The following PIGN variants were observed in gnomAD, a reference collection of about 807,000 sequenced individuals.
PIGN encodes phosphatidylinositol glycan anchor biosynthesis class N.
Under a neutral mutation model 125.4 loss-of-function variants are expected in PIGN, and 117 were observed. That is an observed-to-expected ratio of 0.93 (90% CI 0.80 to 1.09). The LOEUF (loss-of-function observed/expected upper bound fraction) is 1.09, where lower values mean the gene tolerates loss of function less well. Ranked by LOEUF, PIGN falls within the 50% of genes least tolerant of loss-of-function variation. The pLI is 0.00. For synonymous variants in PIGN, 392 were observed against 377.8 expected (o/e 1.04, Z -0.44); for missense variants, 1,075 against 1,094.9 (o/e 0.98, Z 0.26).
chr18:62,041,640 GGTGTGTGTGTGTGTGTGTGT>G lies in PIGN; in HGVS notation c.*4196_*4215del, dbSNP rs1220795520. The G allele has an allele frequency of 1.3e-3, 104 of 77,538 alleles. No homozygotes were observed. Among genetic ancestry groups the G allele is most frequent in the East Asian group, 7.5e-3 (18 of 2,406 alleles). The allele number at this position is 77,538 out of a possible 1,614,324, so 4.8% of individuals were successfully genotyped here. A position where few individuals can be genotyped will look rare whatever the true frequency, so the allele number is the denominator to read the frequency against. Reference sequence around the variant, plus strand: ...ATTACAGGAGCCTACCACCCCGCCGGGTGTGTGTGTGTGTGTGTGTGTGTGTGTGTGTGTGTGTGTGTGTG... The same window carrying G: ...ATTACAGGAGCCTACCACCCCGCCGGGTGTGTGTGTGTGTGTGTGTGTGTG... On this transcript the variant is annotated 3_prime_UTR_variant, in exon 31 of 31. Coordinates refer to ENST00000640252, the MANE Select transcript of PIGN (RefSeq NM_176787.5).
At chr18:62,181,793 C>T (rs887195747) in intron 1 of PIGN, among the ~76,000 whole-genome samples, 3 of 152,132 alleles carry the variant, frequency 2.0e-5, no homozygotes, top group Non-Finnish European at 4.4e-5. Context: ...GTGGCGCGAT[C>T]TCGGCTCACT....
At chr18:62,144,333 T>C (rs1023713647) in intron 10 of PIGN, among the ~76,000 whole-genome samples, 1 of 152,202 alleles carries the variant, frequency 6.6e-6, no homozygotes, top group South Asian at 2.1e-4. Flanking sequence ...AACTGGAATG[T>C]TGGCAATGCT....
intron 23 of PIGN, among the ~76,000 whole-genome samples, chr18:62,028,795 G>C (rs2030158183): frequency 6.6e-6 from 1 of 152,202 alleles, no homozygotes; most frequent in Non-Finnish European, 1.5e-5. Context: ...TTTTGGGTTT[G>C]CTTCCCAAGT....
chr18:62,145,005 TGGCGG>T (rs1301209476), intron 10 of PIGN, among the ~76,000 whole-genome samples: 5 of 5,062 alleles, frequency 9.9e-4, no homozygotes, highest in African/African-American at 1.4e-3. Flanking sequence ...CTAAGGAAAC[TGGCGG>T]GGGGGGGGGG....
At chr18:62,169,430 T>C (rs983683274) in intron 1 of PIGN, among the ~76,000 whole-genome samples, 3 of 151,992 alleles carry the variant, frequency 2.0e-5, no homozygotes, top group Admixed American at 6.6e-5. Flanking sequence ...TAACAGCTTA[T>C]GTATGGGCGT....
chr18:62,124,636 G>A (rs909900946), intron 14 of PIGN, among the ~76,000 whole-genome samples: 3 of 152,178 alleles, frequency 2.0e-5, no homozygotes, highest in African/African-American at 7.2e-5. Context: ...CTGCCTATGA[G>A]GAGAGATATG....
chr18:62,122,848 G>A lies in PIGN; in HGVS notation c.1173-8209C>T, dbSNP rs2035359246. Among the ~76,000 whole-genome samples, 3 of 151,976 alleles carry A rather than the reference G, an allele frequency of 2.0e-5. No homozygotes were observed. The South Asian group carries it at 6.2e-4, about 32-fold the overall frequency. ...TTCCTCTTTTTCCAAAATAATACAAGTTTTAGATATAATATAGTATAATAA... is the reference window on the plus strand; with the variant it reads ...TTCCTCTTTTTCCAAAATAATACAAATTTTAGATATAATATAGTATAATAA... On this transcript the variant is annotated intron_variant, in intron 14 of 30. Transcript: ENST00000640252.
chr18:62,076,045 C>T, intron 28 of PIGN: 1 of 152,392 alleles, frequency 6.6e-6, no homozygotes, highest in African/African-American at 2.4e-5. Context: ...AAGCGATTCT[C>T]CTGCCTCAGT....
intron 30 of PIGN, among the ~76,000 whole-genome samples, chr18:62,047,634 G>A (rs1446789088): frequency 6.6e-6 from 1 of 152,146 alleles, no homozygotes; most frequent in Non-Finnish European, 1.5e-5. Flanking sequence ...AGGCTGCAAG[G>A]GGAACCTGGA....
chr18:62,114,421 T>C, intron 15 of PIGN, 140 bp downstream of exon 15: 2 of 609,162 alleles, frequency 3.3e-6, no homozygotes, highest in Non-Finnish European at 5.9e-6. Flanking sequence ...TGTCCACTGC[T>C]AAAGCAGCTA....
intron 1 of PIGN, among the ~76,000 whole-genome samples, chr18:62,183,489 A>G (rs539418621): frequency 5.0e-4 from 76 of 152,324 alleles, no homozygotes; most frequent in Admixed American, 1.0e-3. Context: ...TGTACTTGCA[A>G]CCTATCTTCC....
chr18:62,038,748 T>C (rs1318832374), downstream of PIGN, among the ~76,000 whole-genome samples: 1 of 152,090 alleles, frequency 6.6e-6, no homozygotes, highest in Non-Finnish European at 1.5e-5. Context: ...CTGGGCAGCA[T>C]GGCAGGACCC....
rs945651344 is a variant in PIGN at position 62,041,698 on chromosome 18, T to A, written c.*4158A>T. 1 of 150,420 alleles carries A rather than the reference T, an allele frequency of 6.6e-6. No individual in the cohort carries two copies. Among genetic ancestry groups the A allele is most frequent in the Non-Finnish European group, 1.5e-5 (1 of 68,592 alleles). 9.3% of individuals were successfully genotyped at this position (150,420 alleles called of 1,614,324 possible). A position where few individuals can be genotyped will look rare whatever the true frequency, so the allele number is the denominator to read the frequency against. ...GTGTGTGTGTGTGTGTGTGTGTGTG[T>A]GTGTGTGTTTAGTAGAGATGGGGTT... On this transcript the variant is annotated 3_prime_UTR_variant, in exon 31 of 31. Transcript: ENST00000640252.
chr18:62,065,845 T>C (rs892960808), intron 30 of PIGN, among the ~76,000 whole-genome samples: 12 of 152,152 alleles, frequency 7.9e-5, no homozygotes, highest in Non-Finnish European at 5.9e-5. Flanking sequence ...AAAAAGATAA[T>C]GAATTCAGGA....
intron 16 of PIGN, chr18:62,112,565 T>G (rs1275175356): frequency 6.6e-6 from 1 of 152,144 alleles, no homozygotes; most frequent in Non-Finnish European, 1.5e-5. Flanking sequence ...TTAATTTTTA[T>G]TTTTTCACTG....
chr18:62,153,579 G>A (rs2036614742), intron 7 of PIGN: 1 of 152,042 alleles, frequency 6.6e-6, no homozygotes, highest in Non-Finnish European at 1.5e-5. Flanking sequence ...GTGATGATTA[G>A]CAAAATAATT....
At chr18:62,059,664 T>G (rs2031995969) in intron 30 of PIGN, among the ~76,000 whole-genome samples, 1 of 152,164 alleles carries the variant, frequency 6.6e-6, no homozygotes, top group Non-Finnish European at 1.5e-5. Context: ...GGGAACAGAT[T>G]GTGAACAGGT....
intron 1 of PIGN, among the ~76,000 whole-genome samples, chr18:62,171,701 A>T (rs1055368657): frequency 5.3e-5 from 8 of 152,156 alleles, no homozygotes; most frequent in Admixed American, 2.6e-4. Flanking sequence ...TGAGATAATT[A>T]TGATCATCTG....
chr18:62,081,478 G>A (rs1475872644), intron 28 of PIGN, among the ~76,000 whole-genome samples: 1 of 152,170 alleles, frequency 6.6e-6, no homozygotes, highest in Non-Finnish European at 1.5e-5. Flanking sequence ...AAGGTCAAAA[G>A]AGACCTTTCT....
Sources: allele counts gnomAD v4.1 joint callset (sites outside exome capture counted in the v4.1 genomes callset), GRCh38; gene constraint gnomAD v4.1.1; transcripts MANE v1.5; gene names NCBI Gene and HGNC (gene_info 2026-07-23, HGNC 2026-07-21).